COL11A1: variants seen among roughly 807,000 people sequenced by gnomAD.
COL11A1 encodes collagen alpha-1(XI) chain.
COL11A1 carries 74 observed loss-of-function variants against 265.2 expected under a neutral mutation model. The ratio of observed to expected loss-of-function variants is 0.28; its 90% confidence interval spans 0.23 to 0.34. COL11A1 has a LOEUF of 0.34. Among genes scored for constraint, COL11A1 ranks in the 10% least tolerant of loss-of-function variants. COL11A1 has a pLI of 1.00. For synonymous variants in COL11A1, 816 were observed against 727.6 expected, an observed-to-expected ratio of 1.12 and a Z score of -1.96; for missense variants, 2,165 against 2,263.6, an observed-to-expected ratio of 0.96 and a Z score of 0.88.
chr1:102,930,240 G>C (rs1657229306), intron 46 of COL11A1, among the ~76,000 whole-genome samples: 3 of 151,556 alleles, frequency 2.0e-5, no homozygotes, highest in Admixed American at 2.0e-4. Flanking sequence ...GTCATAGATA[G>C]CTCTTATTAT....
chr1:102,941,100 CCTT>C (rs1658672866), intron 42 of COL11A1, among the ~76,000 whole-genome samples: 1 of 152,058 alleles, frequency 6.6e-6, no homozygotes, highest in African/African-American at 2.4e-5. Context: ...TCCTTTCTGT[CCTT>C]CTGTTATACA....
intron 35 of COL11A1, among the ~76,000 whole-genome samples, chr1:102,975,276 A>C (rs1662358059): frequency 6.6e-6 from 1 of 151,908 alleles, no homozygotes; most frequent in Non-Finnish European, 1.5e-5. Context: ...AAAAAAAAAA[A>C]AAAAAACTGT....
intron 4 of COL11A1, among the ~76,000 whole-genome samples, chr1:103,042,711 G>A (rs1326492937): frequency 6.6e-6 from 1 of 151,970 alleles, no homozygotes; most frequent in African/African-American, 2.4e-5. Flanking sequence ...TCCTCACTGA[G>A]CACTGTATCA....
intron 1 of COL11A1, among the ~76,000 whole-genome samples, chr1:103,094,758 C>T (rs533270568): frequency 3.8e-4 from 57 of 151,946 alleles, no homozygotes; most frequent in Non-Finnish European, 7.2e-4. Context: ...ATATAACATA[C>T]AAAATATGTA....
intron 4 of COL11A1, among the ~76,000 whole-genome samples, chr1:103,061,345 A>G (rs1011601977): frequency 6.6e-6 from 1 of 152,176 alleles, no homozygotes; most frequent in Admixed American, 6.5e-5. Flanking sequence ...AATATACAGC[A>G]GGCAGAAATT....
intron 1 of COL11A1, among the ~76,000 whole-genome samples, chr1:103,101,560 C>T (rs958986758): frequency 3.3e-5 from 5 of 151,860 alleles, no homozygotes; most frequent in African/African-American, 1.2e-4. Flanking sequence ...CTACCTCACA[C>T]AGTCTAAGGT....
chr1:102,996,387 T>C (rs1033607674), intron 26 of COL11A1, among the ~76,000 whole-genome samples: 31 of 151,934 alleles, frequency 2.0e-4, no homozygotes, highest in Non-Finnish European at 1.5e-5. Flanking sequence ...CTAATGTCTA[T>C]AAAAGACAGT....
chr1:102,993,013 C>A (rs558212349), intron 28 of COL11A1, among the ~76,000 whole-genome samples: 1 of 151,748 alleles, frequency 6.6e-6, no homozygotes, highest in Non-Finnish European at 1.5e-5. Flanking sequence ...TATATCTAGT[C>A]ATTTATAATT....
chr1:102,952,550 T>C (rs1461547087), intron 41 of COL11A1, among the ~76,000 whole-genome samples: 1 of 152,244 alleles, frequency 6.6e-6, no homozygotes, highest in African/African-American at 2.4e-5. Context: ...GTTAAAATAT[T>C]GCTCATGATC....
At chr1:102,972,055 T>C (rs993765718) in intron 36 of COL11A1, among the ~76,000 whole-genome samples, 1 of 152,202 alleles carries the variant, frequency 6.6e-6, no homozygotes, top group Admixed American at 6.5e-5. Context: ...AGTTGATTGG[T>C]AGTAGACTTC....
At chr1:103,069,074 T>A (rs1490127017) in intron 4 of COL11A1, among the ~76,000 whole-genome samples, 1 of 151,580 alleles carries the variant, frequency 6.6e-6, no homozygotes, top group African/African-American at 2.4e-5. Context: ...TATTCTAACA[T>A]GTGTGTAGAA....
intron 41 of COL11A1, among the ~76,000 whole-genome samples, chr1:102,949,122 C>T (rs1347563653): frequency 6.6e-6 from 1 of 152,040 alleles, no homozygotes; most frequent in Non-Finnish European, 1.5e-5. Context: ...AACAGAAACA[C>T]ATCAACAGAA....
At chr1:103,028,762 AAAGAT>A in intron 5 of COL11A1, among the ~76,000 whole-genome samples, 1 of 152,196 alleles carries the variant, frequency 6.6e-6, no homozygotes, top group Non-Finnish European at 1.5e-5. Context: ...TATTAAGTGA[AAAGAT>A]AATATATTTT....
In COL11A1 at chr1:102,979,108, G is replaced by A. The variant is rs79505593; in HGVS notation, c.2611-4C>T. The stretch of plus-strand genomic sequence containing the variant: ...GGCCTGGTTTGCCAGCTACTCCCTA[G>A]CAAAGACAGTTCAATTTCAATATGC... On this transcript the variant is annotated splice_region_variant and splice_polypyrimidine_tract_variant and intron_variant, in intron 32 of 66. Transcript: ENST00000370096. 3,704 of 1,613,910 alleles carry A rather than the reference G, an allele frequency of 2.3e-3. 72 individuals are homozygous for A. The African/African-American group carries it at 0.044, about 19-fold the overall frequency.
At chr1:102,880,459 T>C (rs960708509) in intron 65 of COL11A1, among the ~76,000 whole-genome samples, 1 of 152,202 alleles carries the variant, frequency 6.6e-6, no homozygotes, top group African/African-American at 2.4e-5. Context: ...AATGCCTGTT[T>C]ATCTATTTTT....
Position 103,083,087 on chromosome 1 carries a change from G to A in COL11A1, c.107-115C>T, listed in dbSNP as rs1308396059. On this transcript the variant is annotated intron_variant, in intron 1 of 66. Transcript: ENST00000370096. ...CATACCTTGAATCTATTTATCACTT[G>A]CCATGCTTCCCTAACATTTAGGTGG... The A allele has an allele frequency of 4.0e-6, 4 of 1,008,770 alleles. No individual in the cohort carries two copies. In the African/African-American group the frequency reaches 6.5e-5, roughly 16 times the overall value. 62.5% of individuals were successfully genotyped at this position (1,008,770 alleles called of 1,614,324 possible). A position where few individuals can be genotyped will look rare whatever the true frequency, so the allele number is the denominator to read the frequency against.
chr1:102,961,785 G>T, intron 41 of COL11A1, 81 bp downstream of exon 41: 1 of 1,284,142 alleles, frequency 7.8e-7, no homozygotes, highest in South Asian at 1.2e-5. Context: ...ACACACTGTG[G>T]AATCACAGCA....
intron 20 of COL11A1, 101 bp downstream of exon 20, chr1:103,004,343 C>T: frequency 1.1e-6 from 1 of 871,456 alleles, no homozygotes; most frequent in Non-Finnish European, 1.9e-6. Flanking sequence ...GCTAAGACTG[C>T]AATGTTTACC....
chr1:102,998,183 C>T, intron 25 of COL11A1, 127 bp downstream of exon 25: 3 of 794,870 alleles, frequency 3.8e-6, no homozygotes, highest in African/African-American at 1.7e-5. Context: ...TTAGAGAGAT[C>T]AATGTTTAAT....
Sources: gnomAD v4.1 joint callset for allele counts (sites outside exome capture counted in the v4.1 genomes callset) on GRCh38, gnomAD v4.1.1 for gene constraint, MANE v1.5 for transcripts, NCBI Gene and HGNC (gene_info 2026-07-23, HGNC 2026-07-21) for gene names.